The following SLC49A4 variants were observed in gnomAD, a reference collection of about 807,000 sequenced individuals.
SLC49A4 encodes the protein solute carrier family 49 member 4.
Under a neutral mutation model 50.6 loss-of-function variants are expected in SLC49A4, and 36 were observed. The ratio of observed to expected loss-of-function variants is 0.71; its 90% CI spans 0.55 to 0.94. The LOEUF is 0.94. Ranked by LOEUF, SLC49A4 falls within the 40% of genes least tolerant of loss-of-function variation. The pLI is 0.00. For missense variants in SLC49A4, 503 were observed against 605.7 expected (o/e 0.83, Z 1.78); for synonymous variants, 248 against 241.2 (o/e 1.03, Z -0.26).
chr3:122,837,902 T>G (rs1377515129), intron 4 of SLC49A4, among the ~76,000 whole-genome samples: 1 of 152,110 alleles, frequency 6.6e-6, no homozygotes, highest in Non-Finnish European at 1.5e-5. Flanking sequence ...GCAAAGGATA[T>G]GAACAGACAC....
At chr3:122,864,467 GA>G (rs1937091668) in intron 7 of SLC49A4, among the ~76,000 whole-genome samples, 2 of 152,162 alleles carry the variant, frequency 1.3e-5, no homozygotes. Context: ...ATGGCATTTT[GA>G]AAAATGTTAG....
At chr3:122,800,987 C>T (rs930970374) in intron 1 of SLC49A4, among the ~76,000 whole-genome samples, 2 of 152,158 alleles carry the variant, frequency 1.3e-5, no homozygotes, top group Admixed American at 6.5e-5. Flanking sequence ...TCAGACCAGT[C>T]AGCATGGTTG....
At chr3:122,868,064 G>A (rs1937142282) in intron 7 of SLC49A4, among the ~76,000 whole-genome samples, 1 of 151,514 alleles carries the variant, frequency 6.6e-6, no homozygotes, top group Non-Finnish European at 1.5e-5. Flanking sequence ...TCAGTGAGCC[G>A]AGATCACGCC....
chr3:122,828,426 C>T (rs1186904241), intron 3 of SLC49A4, among the ~76,000 whole-genome samples: 2 of 152,228 alleles, frequency 1.3e-5, no homozygotes, highest in Admixed American at 1.3e-4. Context: ...ATACAGTAGG[C>T]AGGAAGATTA....
At chr3:122,815,870 AC>A (rs1409812395) in intron 2 of SLC49A4, among the ~76,000 whole-genome samples, 1 of 152,148 alleles carries the variant, frequency 6.6e-6, no homozygotes, top group Non-Finnish European at 1.5e-5. Flanking sequence ...CCTGAAGATT[AC>A]TTTAGGGATC....
intron 2 of SLC49A4, among the ~76,000 whole-genome samples, chr3:122,809,805 G>A (rs1359696386): frequency 6.6e-6 from 1 of 152,196 alleles, no homozygotes; most frequent in Non-Finnish European, 1.5e-5. Flanking sequence ...TTCATAAAAA[G>A]AGTGTATAAA....
chr3:122,833,950 A>T (rs1246348242), intron 4 of SLC49A4, among the ~76,000 whole-genome samples: 1 of 152,192 alleles, frequency 6.6e-6, no homozygotes, highest in Non-Finnish European at 1.5e-5. Flanking sequence ...ATCATACTTT[A>T]AGAAACCAAA....
intron 7 of SLC49A4, among the ~76,000 whole-genome samples, chr3:122,868,858 T>C (rs1428212944): frequency 6.6e-6 from 1 of 152,252 alleles, no homozygotes; most frequent in Non-Finnish European, 1.5e-5. Flanking sequence ...CTCTAATTTT[T>C]GATTACTGGC....
intron 7 of SLC49A4, among the ~76,000 whole-genome samples, chr3:122,864,679 C>T (rs1037890475): frequency 2.0e-5 from 3 of 152,088 alleles, no homozygotes; most frequent in Non-Finnish European, 4.4e-5. Context: ...AAGGTGACTT[C>T]AAGTGTTATT....
intron 1 of SLC49A4, among the ~76,000 whole-genome samples, chr3:122,801,954 C>T (rs1936140166): frequency 6.6e-6 from 1 of 151,872 alleles, no homozygotes; most frequent in Non-Finnish European, 1.5e-5. Flanking sequence ...GATGGAGTAA[C>T]GGGAACTGGA....
intron 3 of SLC49A4, among the ~76,000 whole-genome samples, chr3:122,828,889 T>C (rs992779772): frequency 6.6e-6 from 1 of 152,206 alleles, no homozygotes; most frequent in African/African-American, 2.4e-5. Flanking sequence ...ATTTTTTACA[T>C]GATGTTAAGC....
chr3:122,827,076 G>T lies in SLC49A4; in HGVS notation c.703+11G>T, dbSNP rs1342965724. ...CTGTGTTATATGCAGGTAATTTGAA[G>T]TTTATTTTCTTCTTGTTATACTTTG... On this transcript the variant is annotated intron_variant, in intron 3 of 8. Transcript: ENST00000261038. 2.5e-6 allele frequency: 4 copies of T among 1,593,860 alleles called. No homozygotes were observed. Among genetic ancestry groups the T allele is most frequent in the Non-Finnish European group, 3.4e-6 (4 of 1,164,804 alleles).
intron 3 of SLC49A4, among the ~76,000 whole-genome samples, chr3:122,827,691 C>T (rs950206075): frequency 6.6e-6 from 1 of 152,138 alleles, no homozygotes; most frequent in African/African-American, 2.4e-5. Flanking sequence ...TTTGTTATTT[C>T]CTCTGCATTC....
intron 8 of SLC49A4, among the ~76,000 whole-genome samples, chr3:122,878,970 GA>G (rs1340111632): frequency 2.6e-5 from 4 of 152,168 alleles, no homozygotes; most frequent in Admixed American, 2.6e-4. Flanking sequence ...AAAGGTGATT[GA>G]TTTTTTTTCT....
At chr3:122,807,204 A>G (rs1936231787) in intron 2 of SLC49A4, among the ~76,000 whole-genome samples, 1 of 132,336 alleles carries the variant, frequency 7.6e-6, no homozygotes, top group South Asian at 2.6e-4. Context: ...TACCATTTGT[A>G]AGTATAATAA....
intron 4 of SLC49A4, among the ~76,000 whole-genome samples, chr3:122,834,418 A>G (rs1936648800): frequency 6.6e-6 from 1 of 152,192 alleles, no homozygotes; most frequent in South Asian, 2.1e-4. Context: ...GGAACCCTCA[A>G]AACTGTACAA....
chr3:122,806,718 T>TC, intron 1 of SLC49A4, 139 bp from the exon 2 acceptor site: 1 of 598,328 alleles, frequency 1.7e-6, no homozygotes, highest in Non-Finnish European at 3.0e-6. Context: ...GTTTTTTTTT[T>TC]TTTCCATTTT....
intron 3 of SLC49A4, among the ~76,000 whole-genome samples, chr3:122,831,987 A>G (rs1936615048): frequency 6.6e-6 from 1 of 152,042 alleles, no homozygotes; most frequent in African/African-American, 2.4e-5. Flanking sequence ...AGAAAGAAAA[A>G]AAAGGAATCT....
At chr3:122,799,201 T>C (rs78523970) in intron 1 of SLC49A4, among the ~76,000 whole-genome samples, 5,030 of 152,178 alleles carry the variant, frequency 0.033, 110 homozygotes, top group Middle Eastern at 0.088. Flanking sequence ...AAAGCAAATA[T>C]TTAGTATGTC....
Sources: gnomAD v4.1 joint callset for allele counts (sites outside exome capture counted in the v4.1 genomes callset) on GRCh38, gnomAD v4.1.1 for gene constraint, MANE v1.5 for transcripts, NCBI Gene and HGNC (gene_info 2026-07-23, HGNC 2026-07-21) for gene names.